DDX6: variants seen among roughly 807,000 people sequenced by gnomAD.
DDX6 encodes the protein DEAD-box helicase 6, also known as probable ATP-dependent RNA helicase DDX6.
A neutral mutation model predicts 60.6 loss-of-function variants in DDX6; 7 were observed. The observed-to-expected ratio is 0.12, with a 90% CI of 0.07 to 0.22. The LOEUF is 0.22. DDX6 is among the 10% of genes least tolerant of loss of function. The pLI is 1.00. For missense variants in DDX6, 270 were observed against 589.9 expected (o/e 0.46, Z 5.62); for synonymous variants, 207 against 201.0 (o/e 1.03, Z -0.25).
At chr11:118,764,854 T>C (rs1312530075) in intron 6 of DDX6, among the ~76,000 whole-genome samples, 3 of 143,744 alleles carry the variant, frequency 2.1e-5, no homozygotes, top group Non-Finnish European at 4.6e-5. Flanking sequence ...TATACATTTA[T>C]AATTTTAAAA....
chr11:118,765,712 T>A (rs1861328672), intron 5 of DDX6, among the ~76,000 whole-genome samples: 1 of 151,308 alleles, frequency 6.6e-6, no homozygotes, highest in African/African-American at 2.4e-5. Flanking sequence ...AGGCAGAGGC[T>A]GCAGTGAGGC....
At chr11:118,756,425 T>G (rs771570896) in intron 10 of DDX6, 102 bp from the exon 11 acceptor site, 1 of 850,732 alleles carries the variant, frequency 1.2e-6, no homozygotes, top group Non-Finnish European at 1.9e-6. Context: ...AAAATCTGTT[T>G]ATAAGTGATC....
In DDX6 at chr11:118,786,093, A is replaced by G; in HGVS notation, c.159T>C (p.Asn53=). The change falls in exon 2 of 14, where the codon AAT becomes AAC. Residue 53 remains asparagine (N), a synonymous_variant. Coordinates refer to ENST00000534980, the MANE Select transcript of DDX6 (RefSeq NM_004397.6). ...TACTCTGTGCTTGCTGCTGAGTGCC[A>G]TTATTGATTGTGTTGGTGTTTTTCA... ...NQLKNTNTIN[N]GTQQQAQSMT... 1.2e-6 allele frequency: 2 copies of G among 1,613,952 alleles called. No individual in the cohort carries two copies. The highest frequency in any genetic ancestry group is 2.2e-5 in the East Asian group (1 of 44,882).
At chr11:118,782,645 CT>C (rs35854068) in intron 2 of DDX6, among the ~76,000 whole-genome samples, 109,944 of 143,616 alleles carry the variant, frequency 0.77, 42,011 homozygotes, top group African/African-American at 0.82. Flanking sequence ...GTACTAAAGC[CT>C]TTTTTTTTTT....
At chr11:118,768,442 G>C in intron 4 of DDX6, 90 bp from the exon 5 acceptor site, 1 of 1,422,626 alleles carries the variant, frequency 7.0e-7, no homozygotes, top group Non-Finnish European at 9.7e-7. Context: ...ACCTCTTTCG[G>C]TATTGCTTTA....
chr11:118,769,235 T>C (rs1207200706), intron 4 of DDX6, among the ~76,000 whole-genome samples: 1 of 152,112 alleles, frequency 6.6e-6, no homozygotes, highest in Admixed American at 6.6e-5. Context: ...CTTGGACACC[T>C]CATCCCTGCA....
intron 2 of DDX6, 67 bp from the exon 3 acceptor site, chr11:118,781,251 A>G: frequency 1.0e-6 from 1 of 984,802 alleles, no homozygotes; most frequent in Non-Finnish European, 1.6e-6. Context: ...GATTCATCTC[A>G]ATTATAATTA....
In DDX6 at chr11:118,786,149, C is replaced by T. The variant is rs375866508; in HGVS notation, c.103G>A (p.Gly35Ser). Residue 35 changes from glycine to serine, a missense_variant, in exon 2 of 14, where the codon GGC (glycine) becomes AGC (serine). Gly to Ser is a moderately conservative substitution (Grantham distance 56, BLOSUM62 0). Coordinates refer to ENST00000534980, the MANE Select transcript of DDX6 (RefSeq NM_004397.6). The part of the protein sequence containing the change: ...VKPTGGPGGG[G>S]TQTQQQMNQL... The stretch of plus-strand genomic sequence containing the variant: ...TTCATCTGTTGCTGTGTCTGTGTGC[C>T]CCCTCCTCCAGGGCCACCAGTGGGT... The T allele has an allele frequency of 1.1e-5, 17 of 1,613,672 alleles. No homozygotes were observed. The highest frequency in any genetic ancestry group is 1.4e-5 in the Non-Finnish European group (16 of 1,179,864).
intron 2 of DDX6, 137 bp downstream of exon 2, chr11:118,785,915 C>T: frequency 4.2e-6 from 3 of 720,874 alleles, no homozygotes; most frequent in Non-Finnish European, 6.6e-6. Flanking sequence ...TACCTACTGG[C>T]CATAAAACAA....
At chr11:118,791,706 G>A (rs931409509), upstream of DDX6, 3 of 152,162 alleles carry the variant, frequency 2.0e-5, no homozygotes, top group African/African-American at 7.2e-5. Flanking sequence ...ATGCAGGAAG[G>A]CGCGGAACTA....
intron 10 of DDX6, 30 bp downstream of exon 10, chr11:118,757,141 A>C: frequency 9.1e-7 from 1 of 1,104,678 alleles, no homozygotes; most frequent in Non-Finnish European, 1.3e-6. Context: ...TTTCTTATTA[A>C]ATTTGTGCAA....
chr11:118,786,673 C>G (rs1862085243), intron 1 of DDX6, 155 bp from the exon 2 acceptor site: 1 of 171,862 alleles, frequency 5.8e-6, no homozygotes. Flanking sequence ...CTAGGATAGA[C>G]ACAACTTTGA....
At chr11:118,777,182 T>C (rs1861728368) in intron 4 of DDX6, among the ~76,000 whole-genome samples, 2 of 152,116 alleles carry the variant, frequency 1.3e-5, no homozygotes, top group Admixed American at 1.3e-4. Context: ...AGCAACCATA[T>C]ATCTGTCTTA....
upstream of DDX6, chr11:118,791,733 G>C (rs1041434485): frequency 2.0e-5 from 3 of 152,160 alleles, no homozygotes; most frequent in African/African-American, 7.2e-5. Context: ...CGGAGACGCC[G>C]GGCGCGCGTC....
chr11:118,756,890 G>C (rs1372235986), intron 10 of DDX6, among the ~76,000 whole-genome samples: 1 of 152,100 alleles, frequency 6.6e-6, no homozygotes, highest in Non-Finnish European at 1.5e-5. Context: ...TGGAAAGGAA[G>C]GGAAGAATAA....
chr11:118,783,894 T>C (rs1467734030), intron 2 of DDX6, among the ~76,000 whole-genome samples: 1 of 149,514 alleles, frequency 6.7e-6, no homozygotes, highest in Non-Finnish European at 1.5e-5. Context: ...GGTGGGCAGA[T>C]CACTTGAGCT....
intron 4 of DDX6, among the ~76,000 whole-genome samples, chr11:118,773,396 C>G (rs1430553612): frequency 6.7e-6 from 1 of 149,256 alleles, no homozygotes; most frequent in Non-Finnish European, 1.5e-5. Context: ...GGTGAAACCC[C>G]GTCTCTACTA....
intron 5 of DDX6, among the ~76,000 whole-genome samples, chr11:118,767,148 G>C (rs915606279): frequency 1.6e-4 from 24 of 151,690 alleles, no homozygotes; most frequent in African/African-American, 5.8e-4. Context: ...TCGGCCTCCC[G>C]AAGTGCTGGG....
At chr11:118,773,142 C>T (rs1308669213) in intron 4 of DDX6, among the ~76,000 whole-genome samples, 1 of 152,122 alleles carries the variant, frequency 6.6e-6, no homozygotes, top group Non-Finnish European at 1.5e-5. Flanking sequence ...GGTTTATTTT[C>T]CAATCTCCTA....
Sources: gnomAD v4.1 joint callset for allele counts (sites outside exome capture counted in the v4.1 genomes callset) on GRCh38, gnomAD v4.1.1 for gene constraint, MANE v1.5 for transcripts, NCBI Gene and HGNC (gene_info 2026-07-23, HGNC 2026-07-21) for gene names.